RALYL: variants seen among roughly 807,000 people sequenced by gnomAD.
RALYL encodes RNA-binding Raly-like protein.
A neutral mutation model predicts 35.1 loss-of-function variants in RALYL; 29 were observed. The observed-to-expected ratio is 0.83, with a 90% CI of 0.61 to 1.13. The LOEUF (loss-of-function observed/expected upper bound fraction) is 1.13. RALYL is among the 50% of genes most tolerant of loss of function. The probability of loss-of-function intolerance (pLI) is 0.00; values close to 1 mark genes in which losing one functional copy is unlikely to be tolerated. For missense variants in RALYL, 359 were observed against 360.4 expected (o/e 1.00, Z 0.03); for synonymous variants, 120 against 127.6 (o/e 0.94, Z 0.40).
At chr8:84,373,284 A>G (rs752368275) in intron 1 of RALYL, among the ~76,000 whole-genome samples, 20 of 151,894 alleles carry the variant, frequency 1.3e-4, no homozygotes, top group African/African-American at 2.2e-4. Context: ...TCATCATGAA[A>G]TCTTTGCTTG....
intron 1 of RALYL, among the ~76,000 whole-genome samples, chr8:84,300,124 C>G (rs1840495258): frequency 6.6e-6 from 1 of 151,918 alleles, no homozygotes; most frequent in African/African-American, 2.4e-5. Context: ...TCCAGAGATT[C>G]TAGTATGTTG....
intron 8 of RALYL, among the ~76,000 whole-genome samples, chr8:84,908,051 C>T (rs7010343): frequency 1.3e-5 from 2 of 151,874 alleles, no homozygotes; most frequent in African/African-American, 4.8e-5. Context: ...GTTCTCACTA[C>T]ATGAGTCAAT....
chr8:84,469,316 T>G (rs1290256303), intron 1 of RALYL, among the ~76,000 whole-genome samples: 1 of 151,860 alleles, frequency 6.6e-6, no homozygotes, highest in Non-Finnish European at 1.5e-5. Flanking sequence ...TACAGATGGG[T>G]TTTTGGTGTG....
At chr8:84,640,361 A>G (rs1042649399) in intron 2 of RALYL, among the ~76,000 whole-genome samples, 7 of 151,956 alleles carry the variant, frequency 4.6e-5, no homozygotes, top group African/African-American at 1.2e-4. Context: ...GCAAAGAAAA[A>G]CCTGCAATGT....
At chr8:84,807,898 G>A (rs1210629068) in intron 4 of RALYL, among the ~76,000 whole-genome samples, 1 of 152,142 alleles carries the variant, frequency 6.6e-6, no homozygotes, top group Non-Finnish European at 1.5e-5. Flanking sequence ...TGAGTTCATT[G>A]TAGATTCTGG....
At chr8:84,280,108 G>A (rs911452174) in intron 1 of RALYL, among the ~76,000 whole-genome samples, 14 of 152,162 alleles carry the variant, frequency 9.2e-5, no homozygotes, top group African/African-American at 2.6e-4. Context: ...TGCTATAATG[G>A]CTTTCTCTGA....
chr8:84,674,000 C>T (rs1228883079), intron 2 of RALYL, among the ~76,000 whole-genome samples: 1 of 152,136 alleles, frequency 6.6e-6, no homozygotes, highest in African/African-American at 2.4e-5. Flanking sequence ...TTGATACTTC[C>T]TGTCCATGAA....
chr8:84,531,765 G>A (rs2059290325), intron 2 of RALYL, among the ~76,000 whole-genome samples: 1 of 151,966 alleles, frequency 6.6e-6, no homozygotes, highest in African/African-American at 2.4e-5. Flanking sequence ...ACTTTTTAAT[G>A]AGCTACAGCT....
intron 2 of RALYL, among the ~76,000 whole-genome samples, chr8:84,575,341 A>G (rs1243775966): frequency 6.6e-6 from 1 of 152,198 alleles, no homozygotes; most frequent in Non-Finnish European, 1.5e-5. Context: ...AAAATTTTAA[A>G]CATAACTTAA....
intron 1 of RALYL, among the ~76,000 whole-genome samples, chr8:84,455,128 G>A (rs926428934): frequency 6.6e-6 from 1 of 152,038 alleles, no homozygotes; most frequent in Admixed American, 6.6e-5. Flanking sequence ...CAGTTCTGAA[G>A]TAGAGGCCTA....
intron 2 of RALYL, among the ~76,000 whole-genome samples, chr8:84,704,059 T>A (rs1840695827): frequency 6.6e-6 from 1 of 152,220 alleles, no homozygotes; most frequent in Non-Finnish European, 1.5e-5. Context: ...TAAACATGAA[T>A]TGGCTCTTGT....
At chr8:84,463,554 G>T (rs1164922008) in intron 1 of RALYL, among the ~76,000 whole-genome samples, 1 of 151,982 alleles carries the variant, frequency 6.6e-6, no homozygotes, top group Non-Finnish European at 1.5e-5. Context: ...GAAAAATGCT[G>T]CATTTGGCAT....
chr8:84,689,309 ATGAGTAAGAATATGCGG>A (rs938354584), intron 2 of RALYL, among the ~76,000 whole-genome samples: 7 of 151,986 alleles, frequency 4.6e-5, no homozygotes, highest in African/African-American at 2.4e-5. Flanking sequence ...ATTCCCACCT[ATGAGTAAGAATATGCGG>A]TGTTTGGTTT....
chr8:84,574,366 A>G (rs1478459267), intron 2 of RALYL, among the ~76,000 whole-genome samples: 1 of 151,966 alleles, frequency 6.6e-6, no homozygotes, highest in Non-Finnish European at 1.5e-5. Flanking sequence ...GTTTTTCCAT[A>G]TATATTCATG....
intron 1 of RALYL, among the ~76,000 whole-genome samples, chr8:84,395,530 C>T (rs771065943): frequency 5.3e-5 from 8 of 151,790 alleles, no homozygotes; most frequent in Admixed American, 1.3e-4. Context: ...ATGATGTAAT[C>T]CGCCATCAGC....
rs1355654256 is a variant in RALYL, at chr8:84,648,541, C to T, written c.256+118964C>T. ...ATTCCTTTTCCCTGGCCATGCTAAACATTTTTCACACGGGTGAACTATTAA... is the reference window on the plus strand; with the variant it reads ...ATTCCTTTTCCCTGGCCATGCTAAATATTTTTCACACGGGTGAACTATTAA... On this transcript the variant is annotated intron_variant, in intron 2 of 8. Transcript: ENST00000521268. Among the ~76,000 whole-genome samples the T allele has an allele frequency of 4.6e-5, 7 of 152,020 alleles. No individual in the cohort carries two copies. The East Asian group carries it at 9.7e-4, about 21-fold the overall frequency.
intron 2 of RALYL, among the ~76,000 whole-genome samples, chr8:84,540,183 T>C (rs1423697674): frequency 6.6e-6 from 1 of 151,846 alleles, no homozygotes; most frequent in Non-Finnish European, 1.5e-5. Flanking sequence ...TTTATTATCT[T>C]CCAATACGTA....
chr8:84,777,964 A>G (rs558870167), intron 3 of RALYL, among the ~76,000 whole-genome samples: 109 of 152,172 alleles, frequency 7.2e-4, no homozygotes, highest in Non-Finnish European at 1.3e-3. Context: ...TCTTATCTGT[A>G]AAATGCGAGA....
intron 1 of RALYL, among the ~76,000 whole-genome samples, chr8:84,479,579 G>A (rs936773185): frequency 2.0e-5 from 3 of 152,050 alleles, no homozygotes; most frequent in Admixed American, 1.3e-4. Flanking sequence ...TTGATTGATT[G>A]TTTCTGTGTC....
Sources: allele counts gnomAD v4.1 joint callset (sites outside exome capture counted in the v4.1 genomes callset), GRCh38; gene constraint gnomAD v4.1.1; transcripts MANE v1.5; gene names NCBI Gene and HGNC (gene_info 2026-07-23, HGNC 2026-07-21).